Variants in XRCC4 observed in about 807,000 individuals in gnomAD.
XRCC4 encodes the protein DNA repair protein XRCC4.
A neutral mutation model predicts 39.1 loss-of-function variants in XRCC4; 28 were observed. The ratio of observed to expected loss-of-function variants is 0.72; its 90% CI spans 0.53 to 0.98. The LOEUF is 0.98. XRCC4 is among the 50% of genes least tolerant of loss of function. The pLI is 0.00. For synonymous variants in XRCC4, 123 were observed against 126.4 expected (o/e 0.97, Z 0.18); for missense variants, 350 against 376.4 (o/e 0.93, Z 0.58).
At chr5:83,279,071 AAATAT>A (rs1034832451) in intron 7 of XRCC4, among the ~76,000 whole-genome samples, 202 of 146,146 alleles carry the variant, frequency 1.4e-3, no homozygotes, top group Middle Eastern at 0.011. Context: ...ATATATAATA[AAATAT>A]AATATATTAT....
chr5:83,236,696 A>G (rs1276709290), intron 6 of XRCC4, among the ~76,000 whole-genome samples: 1 of 152,132 alleles, frequency 6.6e-6, no homozygotes, highest in Non-Finnish European at 1.5e-5. Context: ...AGGCAACCAC[A>G]GTAAAAATGG....
At chr5:83,099,233 C>G (rs1422684249) in intron 1 of XRCC4, among the ~76,000 whole-genome samples, 1 of 152,170 alleles carries the variant, frequency 6.6e-6, no homozygotes, top group African/African-American at 2.4e-5. Flanking sequence ...TTAGCACTTT[C>G]TGATCTGTAA....
chr5:83,175,808 C>T (rs893350743), intron 3 of XRCC4, among the ~76,000 whole-genome samples: 5 of 152,042 alleles, frequency 3.3e-5, no homozygotes, highest in Non-Finnish European at 5.9e-5. Context: ...GGTGTTTTGC[C>T]GTGTTGGCCA....
intron 3 of XRCC4, among the ~76,000 whole-genome samples, chr5:83,126,959 T>C (rs1747297504): frequency 6.6e-6 from 1 of 152,192 alleles, no homozygotes; most frequent in Non-Finnish European, 1.5e-5. Context: ...CTTTTTGGAA[T>C]AGAAATACCT....
At chr5:83,227,217 C>T (rs957395168) in intron 6 of XRCC4, among the ~76,000 whole-genome samples, 1 of 152,028 alleles carries the variant, frequency 6.6e-6, no homozygotes, top group Non-Finnish European at 1.5e-5. Flanking sequence ...CTCTCCACTC[C>T]GTTGTCAGAT....
Position 83,091,327 on chromosome 5 carries a change from T to C in XRCC4, c.-10-13583T>C, listed in dbSNP as rs117135749. Among the ~76,000 whole-genome samples the C allele has an allele frequency of 2.9e-3, 444 of 151,574 alleles. 11 individuals are homozygous for C. The East Asian group carries it at 0.075, about 25-fold the overall frequency. On this transcript the variant is annotated intron_variant, in intron 1 of 7. Transcript: ENST00000396027. ...CATGGTGGCAGGTGAGAGAGAAGAG[T>C]GAAATGGGAACTGCCAAACTATTAA...
At chr5:83,316,117 T>TCC (rs1755874324) in intron 7 of XRCC4, among the ~76,000 whole-genome samples, 1 of 151,840 alleles carries the variant, frequency 6.6e-6, no homozygotes, top group Non-Finnish European at 1.5e-5. Flanking sequence ...GATTAGGGGG[T>TCC]TCAAGACTTT....
chr5:83,128,670 C>T (rs1344602408), intron 3 of XRCC4, among the ~76,000 whole-genome samples: 1 of 152,186 alleles, frequency 6.6e-6, no homozygotes, highest in Non-Finnish European at 1.5e-5. Flanking sequence ...GCCATTCTAA[C>T]TGGTGTAAGA....
chr5:83,235,977 A>C (rs999377934), intron 6 of XRCC4, among the ~76,000 whole-genome samples: 5 of 152,148 alleles, frequency 3.3e-5, no homozygotes, highest in African/African-American at 1.2e-4. Flanking sequence ...AGGTAGCTAC[A>C]AATGAAATAA....
chr5:83,101,217 CTT>C (rs900166971), intron 1 of XRCC4, among the ~76,000 whole-genome samples: 3 of 151,936 alleles, frequency 2.0e-5, no homozygotes, highest in Admixed American at 1.3e-4. Flanking sequence ...AATGTTTTCT[CTT>C]TGCATATTTA....
chr5:83,320,904 C>G (rs572955336), intron 7 of XRCC4, among the ~76,000 whole-genome samples: 1 of 150,476 alleles, frequency 6.6e-6, no homozygotes, highest in Non-Finnish European at 1.5e-5. Context: ...CTCTGCCTCC[C>G]ATGTTCAAGC....
chr5:83,178,264 A>C (rs115231342), intron 3 of XRCC4, among the ~76,000 whole-genome samples: 3,733 of 152,228 alleles, frequency 0.025, 81 homozygotes, highest in Middle Eastern at 0.051. Flanking sequence ...CAGCTAGTAG[A>C]AAGCTTAGTG....
the XRCC4 span, among the ~76,000 whole-genome samples, chr5:83,366,443 G>A: frequency 6.6e-6 from 1 of 152,152 alleles, no homozygotes; most frequent in Non-Finnish European, 1.5e-5. Context: ...GCTAAAACAA[G>A]TTAGTATCCT....
At chr5:83,169,220 T>G (rs1407538945) in intron 3 of XRCC4, among the ~76,000 whole-genome samples, 1 of 152,208 alleles carries the variant, frequency 6.6e-6, no homozygotes, top group Non-Finnish European at 1.5e-5. Context: ...TCTTAGAAAA[T>G]AGTCATTTTT....
chr5:83,321,705 AT>A (rs2112133760), intron 7 of XRCC4, among the ~76,000 whole-genome samples: 1 of 152,280 alleles, frequency 6.6e-6, no homozygotes, highest in Non-Finnish European at 1.5e-5. Flanking sequence ...AGGCACAGTC[AT>A]GGGGTTTTTA....
intron 3 of XRCC4, among the ~76,000 whole-genome samples, chr5:83,141,925 T>C (rs999993351): frequency 4.7e-4 from 71 of 152,152 alleles, no homozygotes; most frequent in Non-Finnish European, 8.7e-4. Flanking sequence ...TAGACCTCTG[T>C]GTGGCCATTG....
intron 6 of XRCC4, among the ~76,000 whole-genome samples, chr5:83,223,008 A>G (rs992865145): frequency 6.6e-6 from 1 of 152,156 alleles, no homozygotes; most frequent in African/African-American, 2.4e-5. Flanking sequence ...TTGGCCTCCC[A>G]AAATGCTGGG....
chr5:83,171,875 A>G (rs1749742762), intron 3 of XRCC4, among the ~76,000 whole-genome samples: 1 of 152,212 alleles, frequency 6.6e-6, no homozygotes, highest in African/African-American at 2.4e-5. Flanking sequence ...AGCCTCTAGC[A>G]TGATTTCTAA....
At chr5:83,348,753 C>A (rs576443673) in intron 7 of XRCC4, among the ~76,000 whole-genome samples, 4 of 152,352 alleles carry the variant, frequency 2.6e-5, no homozygotes, top group African/African-American at 9.6e-5. Flanking sequence ...TTCTTTTCTA[C>A]CATATGGCTA....
Sources: allele counts gnomAD v4.1 joint callset (sites outside exome capture counted in the v4.1 genomes callset), GRCh38; gene constraint gnomAD v4.1.1; transcripts MANE v1.5; gene names NCBI Gene and HGNC (gene_info 2026-07-23, HGNC 2026-07-21).